FAM117A: variants seen among roughly 807,000 people sequenced by gnomAD.
The protein encoded by FAM117A is family with sequence similarity 117 member A, also known as protein FAM117A.
Under a neutral mutation model 44.1 loss-of-function variants are expected in FAM117A, and 21 were observed. The ratio of observed to expected loss-of-function variants is 0.48; its 90% CI spans 0.34 to 0.69. The LOEUF (loss-of-function observed/expected upper bound fraction) is 0.69. Among genes scored for constraint, FAM117A ranks in the 30% least tolerant of loss-of-function variants. FAM117A has a pLI of 0.01. For synonymous variants in FAM117A, 220 were observed against 238.3 expected, an observed-to-expected ratio of 0.92 and a Z score of 0.71; for missense variants, 498 against 589.9, an observed-to-expected ratio of 0.84 and a Z score of 1.61.
At chr17:49,727,996 C>T (rs1431957428) in intron 2 of FAM117A, among the ~76,000 whole-genome samples, 1 of 152,212 alleles carries the variant, frequency 6.6e-6, no homozygotes, top group African/African-American at 2.4e-5. Context: ...ACAAAAAGGC[C>T]GGAAAAGGCT....
Position 49,711,403 on chromosome 17 carries a change from G to C in FAM117A, c.1214C>G (p.Pro405Arg). The change falls in exon 8 of 8, where the codon CCG (proline) becomes CGG (arginine). Residue 405 changes from proline to arginine, a missense_variant. Physicochemically the swap from Pro to Arg is moderately radical, Grantham distance 103. Coordinates refer to ENST00000240364, the MANE Select transcript of FAM117A (RefSeq NM_030802.4). The part of the protein sequence containing the change: ...GFIFRNCPSN[P>R]GSPLPPASPR... ...GCTGGCCGGGGGAAGGGGAGATCCC[G>C]GGTTTGAGGGGCAGTTACGGAAGAT... The C allele has an allele frequency of 1.2e-6, 2 of 1,613,238 alleles. No homozygotes were observed. The highest frequency in any genetic ancestry group is 1.7e-6 in the Non-Finnish European group (2 of 1,179,686).
rs2073510723 is a variant in FAM117A at position 49,717,593 on chromosome 17, G to A, written c.830C>T (p.Ser277Phe). 6.2e-7 allele frequency: 1 copy of A among 1,614,172 alleles called. No individual in the cohort carries two copies. Among genetic ancestry groups the A allele is most frequent in the South Asian group, 1.1e-5 (1 of 91,070 alleles). The change falls in exon 6 of 8, where the codon TCT becomes TTT. Residue 277 changes from serine to phenylalanine, a missense_variant. By Grantham distance (155) the Ser-to-Phe change is radical. This residue lies in a region of FAM117A where 224 missense variants were observed against 296.5 expected (regional missense o/e 0.76). Transcript: ENST00000240364. ...LASSPSMSLA[S>F]PQPCGLASHE... Reference sequence around the variant, plus strand: ...ACTGGCCAGGCCACAAGGCTGGGGAGATGCCAAGGACATGGAAGGAGAGCT... The same window carrying A: ...ACTGGCCAGGCCACAAGGCTGGGGAAATGCCAAGGACATGGAAGGAGAGCT...
intron 1 of FAM117A, among the ~76,000 whole-genome samples, chr17:49,744,097 C>T (rs919808956): frequency 6.6e-6 from 1 of 152,112 alleles, no homozygotes; most frequent in African/African-American, 2.4e-5. Context: ...TTCAGCTTGC[C>T]TTCTCCCTAA....
chr17:49,771,348 G>A (rs1598037468), intron 1 of FAM117A, among the ~76,000 whole-genome samples: 1 of 152,230 alleles, frequency 6.6e-6, no homozygotes, highest in East Asian at 1.9e-4. Context: ...ATGATGTGTG[G>A]GAGACCCTGC....
intron 1 of FAM117A, among the ~76,000 whole-genome samples, chr17:49,749,532 G>A (rs2073667769): frequency 1.6e-5 from 2 of 126,996 alleles, no homozygotes; most frequent in African/African-American, 2.7e-5. Flanking sequence ...AGCCGAGATC[G>A]CGCCACTGTA....
chr17:49,716,605 C>T (rs2143694976), intron 6 of FAM117A, among the ~76,000 whole-genome samples: 1 of 152,322 alleles, frequency 6.6e-6, no homozygotes, highest in South Asian at 2.1e-4. Flanking sequence ...CTCCAGATCT[C>T]AGACTTGAAG....
At chr17:49,764,141 AC>A, upstream of FAM117A, 1 of 854,890 alleles carries the variant, frequency 1.2e-6, no homozygotes, top group Non-Finnish European at 1.6e-6. Flanking sequence ...CAGCCCCCCA[AC>A]CCCCGAGGCC....
rs201571451 is a variant in FAM117A, at chr17:49,764,119, G to T, written c.-32C>A. 7.6e-5 allele frequency: 89 copies of T among 1,174,548 alleles called. No homozygotes were observed. The highest frequency in any genetic ancestry group is 1.4e-5 in the Non-Finnish European group (13 of 918,672). 72.8% of individuals were successfully genotyped at this position (1,174,548 alleles called of 1,614,324 possible). On this transcript the variant is annotated 5_prime_UTR_variant, in exon 1 of 8. Coordinates refer to ENST00000240364, the MANE Select transcript of FAM117A (RefSeq NM_030802.4). ...CCCGGCTGCCTGCCTCAGCCCCACT[G>T]CGAGACTCACACAGCCCCCCAACCC...
At chr17:49,740,460 A>G (rs562133928) in intron 1 of FAM117A, among the ~76,000 whole-genome samples, 34 of 152,338 alleles carry the variant, frequency 2.2e-4, no homozygotes, top group Middle Eastern at 3.4e-3. Context: ...CGTGTTAGCC[A>G]GGATGGTCTT....
chr17:49,713,421 C>T (rs2073487418), intron 7 of FAM117A, among the ~76,000 whole-genome samples: 1 of 152,158 alleles, frequency 6.6e-6, no homozygotes, highest in South Asian at 2.1e-4. Flanking sequence ...TGGTTCTCAC[C>T]AATCACCTTT....
At chr17:49,741,953 G>A (rs992009715) in intron 1 of FAM117A, among the ~76,000 whole-genome samples, 8 of 152,018 alleles carry the variant, frequency 5.3e-5, no homozygotes, top group Non-Finnish European at 1.0e-4. Flanking sequence ...GAAAGCCCAA[G>A]GAGACCCCAT....
chr17:49,717,820 G>A, intron 5 of FAM117A, 106 bp from the exon 6 acceptor site: 1 of 908,246 alleles, frequency 1.1e-6, no homozygotes, highest in South Asian at 1.8e-5. Flanking sequence ...CTCTATCCAT[G>A]ACACACAACC....
chr17:49,717,731 G>C lies in FAM117A; in HGVS notation c.709-17C>G. The C allele has an allele frequency of 6.3e-7, 1 of 1,576,898 alleles. No homozygotes were observed. The highest frequency in any genetic ancestry group is 8.6e-7 in the Non-Finnish European group (1 of 1,158,526). On this transcript the variant is annotated splice_polypyrimidine_tract_variant and intron_variant, in intron 5 of 7. Coordinates refer to ENST00000240364, the MANE Select transcript of FAM117A (RefSeq NM_030802.4). ...ATCAAGGATCTAACGGGGAAGGACG[G>C]TAAAGACTGTCAGCCCTGAGTATTT... is the stretch of plus-strand genomic sequence containing the variant.
upstream of FAM117A, chr17:49,789,030 C>A (rs1205328244): frequency 2.1e-6 from 1 of 479,450 alleles, no homozygotes; most frequent in East Asian, 3.5e-5. Flanking sequence ...TGGCCTCGGC[C>A]TATGCTTGCA....
intron 1 of FAM117A, among the ~76,000 whole-genome samples, chr17:49,759,193 A>G (rs1189300653): frequency 1.3e-5 from 2 of 152,236 alleles, no homozygotes; most frequent in Non-Finnish European, 2.9e-5. Context: ...TCTATGTTAT[A>G]TAAGTGAGAC....
At chr17:49,737,411 A>G (rs1237546038) in intron 1 of FAM117A, among the ~76,000 whole-genome samples, 1 of 152,218 alleles carries the variant, frequency 6.6e-6, no homozygotes, top group Admixed American at 6.5e-5. Context: ...TTACAAAATT[A>G]CATGACAGAT....
At chr17:49,780,422 G>A (rs1476311626) in intron 1 of FAM117A, among the ~76,000 whole-genome samples, 1 of 152,156 alleles carries the variant, frequency 6.6e-6, no homozygotes, top group East Asian at 1.9e-4. Flanking sequence ...CTCCACACAT[G>A]CTGGGGTAAG....
At chr17:49,780,923 C>T (rs1020600715) in intron 1 of FAM117A, among the ~76,000 whole-genome samples, 6 of 152,240 alleles carry the variant, frequency 3.9e-5, no homozygotes, top group African/African-American at 7.2e-5. Flanking sequence ...CTCCGCCTCC[C>T]GGGTTCAAGC....
At chr17:49,752,244 C>T (rs988627499) in intron 1 of FAM117A, among the ~76,000 whole-genome samples, 2 of 152,186 alleles carry the variant, frequency 1.3e-5, no homozygotes, top group African/African-American at 2.4e-5. Context: ...CTTGCTATTT[C>T]CCTTACTGGG....
Sources: allele counts gnomAD v4.1 joint callset (sites outside exome capture counted in the v4.1 genomes callset), GRCh38; gene constraint gnomAD v4.1.1; regional missense constraint gnomAD v4.1.1; transcripts MANE v1.5; gene names NCBI Gene and HGNC (gene_info 2026-07-23, HGNC 2026-07-21).